Variants in AP4S1 observed in about 807,000 individuals in gnomAD.
AP4S1 encodes the protein AP-4 complex subunit sigma-1.
AP4S1 carries 23 observed loss-of-function variants against 19.8 expected under a neutral mutation model. That is an observed-to-expected ratio of 1.16 (90% CI 0.84 to 1.65). The LOEUF (loss-of-function observed/expected upper bound fraction) is 1.65. Among genes scored for constraint, AP4S1 ranks in the 40% most tolerant of loss-of-function variants. AP4S1 has a pLI of 0.00. For missense variants in AP4S1, 166 were observed against 172.8 expected (o/e 0.96, Z 0.22); for synonymous variants, 46 against 54.1 (o/e 0.85, Z 0.66).
At chr14:31,058,511 C>T (rs1886246995) in intron 1 of AP4S1, among the ~76,000 whole-genome samples, 1 of 143,624 alleles carries the variant, frequency 7.0e-6, no homozygotes. Context: ...AACATCTTCC[C>T]CATCTCTGTG....
chr14:31,047,660 G>A (rs149658974), intron 1 of AP4S1, among the ~76,000 whole-genome samples: 2 of 152,072 alleles, frequency 1.3e-5, no homozygotes, highest in Non-Finnish European at 2.9e-5. Flanking sequence ...CTCCCAAAGC[G>A]CTGGGACTAC....
intron 1 of AP4S1, among the ~76,000 whole-genome samples, chr14:31,052,934 A>ATT (rs1209280743): frequency 0.014 from 1,390 of 101,036 alleles, 22 homozygotes; most frequent in African/African-American, 0.028. Flanking sequence ...AGTGTGCTAA[A>ATT]TTTTTTTTTT....
intron 1 of AP4S1, among the ~76,000 whole-genome samples, chr14:31,038,169 G>A (rs557146451): frequency 6.6e-6 from 1 of 152,108 alleles, no homozygotes; most frequent in African/African-American, 2.4e-5. Flanking sequence ...CATTTGCCTG[G>A]TATGTTTTAT....
At chr14:31,091,314 C>T (rs1888070038) in intron 5 of AP4S1, among the ~76,000 whole-genome samples, 1 of 152,218 alleles carries the variant, frequency 6.6e-6, no homozygotes, top group South Asian at 2.1e-4. Flanking sequence ...TTCTCCAGGC[C>T]ATTTTTCACG....
At chr14:31,084,691 G>C (rs1887834253) in intron 5 of AP4S1, 5 of 1,599,570 alleles carry the variant, frequency 3.1e-6, no homozygotes, top group Non-Finnish European at 4.3e-6. Flanking sequence ...TGTTTCTACA[G>C]GGAGACTTTG....
At position 31,093,050 on chromosome 14, in the gene AP4S1, G is replaced by A. The variant is rs747159143; in HGVS notation, c.*15G>A. ...CAGAAAGCTGAAAGGAAGTCTCTTC[G>A]AGACAATATGGATTTATCAGAAATG... On this transcript the variant is annotated 3_prime_UTR_variant, in exon 6 of 6. Transcript: ENST00000542754. 21 of 1,546,314 alleles carry A rather than the reference G, an allele frequency of 1.4e-5. No homozygotes were observed. Among genetic ancestry groups the A allele is most frequent in the South Asian group, 1.3e-4 (11 of 83,008 alleles).
In AP4S1 at chr14:31,075,104, T is replaced by A. The variant is rs534831756; in HGVS notation, c.294+2131T>A. Among the ~76,000 whole-genome samples the A allele has an allele frequency of 2.6e-4, 40 of 152,340 alleles. 2 individuals carry two copies. In the South Asian group the frequency reaches 8.1e-3, roughly 31 times the overall value. ...TTATTAACCATAGTCACCCTACTGATTTATCAAACACTAGGTCTTATTTCT... is the reference window on the plus strand; with the variant it reads ...TTATTAACCATAGTCACCCTACTGAATTATCAAACACTAGGTCTTATTTCT... On this transcript the variant is annotated intron_variant, in intron 4 of 5. Transcript: ENST00000542754.
At position 31,092,954 on chromosome 14, in the gene AP4S1, G is replaced by A; in HGVS notation, c.354G>A (p.Val118=). 1 of 1,547,646 alleles carries A rather than the reference G, an allele frequency of 6.5e-7. No individual in the cohort carries two copies. The change falls in exon 6 of 6, where the codon GTG becomes GTA. Residue 118 remains valine (V), a synonymous_variant. Transcript: ENST00000542754. ...TACACATCATTTTGGATGAGATGGT[G>A]TTAAATGGCTGCATTGTGGAAACTA... ...DKVHIILDEM[V]LNGCIVETNR...
At chr14:31,034,476 A>G (rs910346490) in intron 1 of AP4S1, among the ~76,000 whole-genome samples, 14 of 151,800 alleles carry the variant, frequency 9.2e-5, no homozygotes, top group Non-Finnish European at 1.6e-4. Flanking sequence ...TTTGGGGGGG[A>G]AACAAACTCT....
intron 2 of AP4S1, 143 bp from the exon 3 acceptor site, chr14:31,069,700 G>T: frequency 1.4e-6 from 1 of 728,698 alleles, no homozygotes; most frequent in Non-Finnish European, 2.4e-6. Context: ...TTGTGAGAAG[G>T]TCACCAATGG....
intron 1 of AP4S1, among the ~76,000 whole-genome samples, chr14:31,034,782 T>G: frequency 6.6e-6 from 1 of 150,652 alleles, no homozygotes; most frequent in East Asian, 2.0e-4. Flanking sequence ...CACGACCAGC[T>G]AAATTTTTTT....
At chr14:31,043,405 G>C (rs138832916) in intron 1 of AP4S1, among the ~76,000 whole-genome samples, 1 of 152,086 alleles carries the variant, frequency 6.6e-6, no homozygotes, top group Non-Finnish European at 1.5e-5. Flanking sequence ...AGACTGAGAG[G>C]GGGTAGTGGA....
At chr14:31,043,049 T>C (rs766479200) in intron 1 of AP4S1, among the ~76,000 whole-genome samples, 6 of 152,006 alleles carry the variant, frequency 3.9e-5, no homozygotes, top group Non-Finnish European at 8.8e-5. Flanking sequence ...GGTGAAACCC[T>C]GTCTCTACTA....
chr14:31,069,819 A>C, intron 2 of AP4S1, 24 bp from the exon 3 acceptor site: 1 of 1,553,042 alleles, frequency 6.4e-7, no homozygotes, highest in Non-Finnish European at 8.9e-7. Flanking sequence ...CACAGGAATT[A>C]ATATCTCATT....
At chr14:31,034,414 G>T (rs546184761) in intron 1 of AP4S1, among the ~76,000 whole-genome samples, 3 of 151,682 alleles carry the variant, frequency 2.0e-5, no homozygotes, top group Admixed American at 6.6e-5. Flanking sequence ...TTATAGTTTC[G>T]TAACAATTGG....
chr14:31,040,983 G>C (rs1885075282), intron 1 of AP4S1, among the ~76,000 whole-genome samples: 2 of 150,900 alleles, frequency 1.3e-5, no homozygotes, highest in Admixed American at 1.3e-4. Context: ...GCTGAGGCAG[G>C]AGAATGGTGT....
intron 1 of AP4S1, among the ~76,000 whole-genome samples, chr14:31,052,728 C>CAAAAAAAAAAAAAAAAAAA (rs967926664): frequency 1.9e-5 from 1 of 53,334 alleles, no homozygotes; most frequent in Non-Finnish European, 3.8e-5. Flanking sequence ...GACTCCCTCT[C>CAAAAAAAAAAAAAAAAAAA]AAAAAAAAAA....
At chr14:31,086,053 C>T (rs923675506) in intron 5 of AP4S1, 2 of 155,368 alleles carry the variant, frequency 1.3e-5, no homozygotes, top group Admixed American at 1.3e-4. Flanking sequence ...TGCAGACAGG[C>T]CTCGATCAGG....
At chr14:31,049,833 C>G (rs1022804926) in intron 1 of AP4S1, among the ~76,000 whole-genome samples, 2 of 151,922 alleles carry the variant, frequency 1.3e-5, no homozygotes, top group Non-Finnish European at 2.9e-5. Context: ...AACTCCTGGG[C>G]TCAAGCGATC....
Sources: allele counts gnomAD v4.1 joint callset (sites outside exome capture counted in the v4.1 genomes callset), GRCh38; gene constraint gnomAD v4.1.1; transcripts MANE v1.5; gene names NCBI Gene and HGNC (gene_info 2026-07-23, HGNC 2026-07-21).